Variants in CTSO observed in about 807,000 individuals in gnomAD.
CTSO encodes cathepsin O.
CTSO carries 40 observed loss-of-function variants against 42.4 expected under a neutral mutation model. That is an observed-to-expected ratio of 0.94 (90% CI 0.73 to 1.23). The LOEUF is 1.23. CTSO is among the 50% of genes most tolerant of loss of function. The probability of loss-of-function intolerance (pLI) is 0.00; values close to 1 mark genes in which losing one functional copy is unlikely to be tolerated. For missense variants in CTSO, 441 were observed against 396.0 expected, an observed-to-expected ratio of 1.11 and a Z score of -0.96; for synonymous variants, 156 against 146.2, an observed-to-expected ratio of 1.07 and a Z score of -0.48.
At chr4:155,942,879 A>T (rs909812624) in intron 2 of CTSO, among the ~76,000 whole-genome samples, 1 of 152,166 alleles carries the variant, frequency 6.6e-6, no homozygotes, top group Admixed American at 6.5e-5. Flanking sequence ...GAAGAGAAAA[A>T]GCACTAGAAA....
intron 4 of CTSO, among the ~76,000 whole-genome samples, chr4:155,939,065 G>A (rs114736748): frequency 0.016 from 2,454 of 152,018 alleles, 34 homozygotes; most frequent in South Asian, 0.048. Flanking sequence ...TCATCTTTCC[G>A]GGATATTATG....
intron 3 of CTSO, 111 bp downstream of exon 3, chr4:155,942,205 GA>G: frequency 1.2e-6 from 1 of 845,274 alleles, no homozygotes; most frequent in Non-Finnish European, 1.7e-6. Flanking sequence ...GGATGACTGA[GA>G]TGTGATTTTC....
At chr4:155,936,834 T>C (rs1249186464) in intron 5 of CTSO, among the ~76,000 whole-genome samples, 1 of 152,198 alleles carries the variant, frequency 6.6e-6, no homozygotes, top group Non-Finnish European at 1.5e-5. Context: ...TTTTCTCTAA[T>C]CTGAAGTTTT....
chr4:155,928,343 A>C lies in CTSO; in HGVS notation c.924T>G (p.Asn308Lys). The C allele has an allele frequency of 6.2e-7, 1 of 1,610,672 alleles. No homozygotes were observed. The highest frequency in any genetic ancestry group is 8.5e-7 in the Non-Finnish European group (1 of 1,177,760). ...DGYAHVKMGS[N>K]VCGIADSVSS... ...CACAAACTCATGACTTACCACAAACATTACTTCCCATTTTGACATGGGCAT... is the reference window on the plus strand; with the variant it reads ...CACAAACTCATGACTTACCACAAACCTTACTTCCCATTTTGACATGGGCAT... Residue 308 changes from asparagine (N) to lysine (K), a missense_variant, in exon 7 of 8, where the codon AAT (asparagine) becomes AAG (lysine). Asn to Lys is a moderately conservative substitution (Grantham distance 94). Transcript: ENST00000433477.
intron 3 of CTSO, among the ~76,000 whole-genome samples, chr4:155,941,708 T>C (rs759747851): frequency 6.6e-6 from 1 of 152,166 alleles, no homozygotes; most frequent in South Asian, 2.1e-4. Context: ...CAATTCTGCA[T>C]AGGTGGTGAT....
chr4:155,940,245 TGAAA>T (rs913119386), intron 3 of CTSO, among the ~76,000 whole-genome samples: 9 of 150,472 alleles, frequency 6.0e-5, no homozygotes, highest in African/African-American at 2.3e-4. Context: ...GAACTAGTCC[TGAAA>T]GAAAGAGAGG....
intron 1 of CTSO, among the ~76,000 whole-genome samples, chr4:155,952,988 T>A (rs763481082): frequency 1.1e-4 from 16 of 151,972 alleles, no homozygotes; most frequent in Non-Finnish European, 2.2e-4. Flanking sequence ...TTCAGGAAAA[T>A]CATTATTTGT....
intron 1 of CTSO, among the ~76,000 whole-genome samples, chr4:155,949,518 T>C (rs910925313): frequency 6.6e-6 from 1 of 152,216 alleles, no homozygotes; most frequent in East Asian, 1.9e-4. Flanking sequence ...CTAAGGTACT[T>C]TGGAAGCTCA....
Position 155,924,633 on chromosome 4 carries a change from A to G in CTSO, c.*1403T>C, listed in dbSNP as rs1339730638. ...GAGAAGAAATATGTACATACATAGTATCAGAAATAATTTTCTTGTATTGAT... is the reference window on the plus strand; with the variant it reads ...GAGAAGAAATATGTACATACATAGTGTCAGAAATAATTTTCTTGTATTGAT... On this transcript the variant is annotated 3_prime_UTR_variant, in exon 8 of 8. Coordinates refer to ENST00000433477, the MANE Select transcript of CTSO (RefSeq NM_001334.3). 6.6e-6 allele frequency: 1 copy of G among 152,032 alleles called. No homozygotes were observed. Among genetic ancestry groups the G allele is most frequent in the East Asian group, 1.9e-4 (1 of 5,198 alleles). 9.4% of individuals were successfully genotyped at this position (152,032 alleles called of 1,614,324 possible).
At chr4:155,947,794 G>A (rs1743575163) in intron 1 of CTSO, among the ~76,000 whole-genome samples, 2 of 152,156 alleles carry the variant, frequency 1.3e-5, no homozygotes, top group South Asian at 4.1e-4. Flanking sequence ...TAAAGGATCA[G>A]TGGGCACATG....
intron 1 of CTSO, among the ~76,000 whole-genome samples, chr4:155,944,947 T>G (rs1184388065): frequency 3.3e-5 from 4 of 122,810 alleles, no homozygotes; most frequent in Admixed American, 1.0e-4. Context: ...ATTGCTCCTG[T>G]GATTGATTAA....
chr4:155,929,574 T>A lies in CTSO; in HGVS notation c.806A>T (p.His269Leu), dbSNP rs750811108. The A allele has an allele frequency of 6.2e-7, 1 of 1,613,794 alleles. No homozygotes were observed. Among genetic ancestry groups the A allele is most frequent in the Admixed American group, 1.7e-5 (1 of 59,984 alleles). The stretch of plus-strand genomic sequence containing the variant: ...ATCAAACCCAGTTATGAGAACTGCA[T>A]GATTTGCTTCTCCACTAGAGCAGTG... ...QHHCSSGEAN[H>L]AVLITGFDKT... Residue 269 changes from histidine (H) to leucine (L), a missense_variant, in exon 6 of 8, where the codon CAT becomes CTT. By Grantham distance (99) the His-to-Leu change is moderately conservative (BLOSUM62 -3). Transcript: ENST00000433477.
intron 1 of CTSO, among the ~76,000 whole-genome samples, chr4:155,945,205 C>T (rs1039770011): frequency 6.6e-5 from 10 of 151,626 alleles, no homozygotes; most frequent in African/African-American, 2.2e-4. Flanking sequence ...TGCAGTGAGC[C>T]GAGATCACAG....
At chr4:155,926,531 T>C (rs1261217848) in intron 7 of CTSO, among the ~76,000 whole-genome samples, 2 of 152,220 alleles carry the variant, frequency 1.3e-5, no homozygotes, top group East Asian at 1.9e-4. Context: ...TGCAACATCA[T>C]GGCAAAAGCA....
At chr4:155,943,384 A>T in intron 1 of CTSO, 120 bp from the exon 2 acceptor site, 1 of 564,472 alleles carries the variant, frequency 1.8e-6, no homozygotes. Flanking sequence ...CCTTCAGACT[A>T]CAATGTAAAG....
chr4:155,937,016 C>T (rs1743342606), intron 5 of CTSO, among the ~76,000 whole-genome samples: 1 of 151,858 alleles, frequency 6.6e-6, no homozygotes. Flanking sequence ...AATATAACAC[C>T]TAAATTTGAT....
At chr4:155,946,319 T>C (rs1743546172) in intron 1 of CTSO, among the ~76,000 whole-genome samples, 1 of 152,208 alleles carries the variant, frequency 6.6e-6, no homozygotes, top group Non-Finnish European at 1.5e-5. Context: ...ATCCAAAGTT[T>C]AGGTGTTCCG....
chr4:155,950,829 A>G (rs1248380883), intron 1 of CTSO, among the ~76,000 whole-genome samples: 1 of 134,690 alleles, frequency 7.4e-6, no homozygotes, highest in Non-Finnish European at 1.6e-5. Flanking sequence ...TCATTCTGAA[A>G]TCATCCGCAT....
intron 3 of CTSO, 101 bp from the exon 4 acceptor site, chr4:155,939,639 T>A: frequency 3.7e-6 from 4 of 1,082,310 alleles, no homozygotes; most frequent in Non-Finnish European, 5.2e-6. Flanking sequence ...GGCTTCCAGA[T>A]TCTGGAAACC....
Sources: allele counts gnomAD v4.1 joint callset (sites outside exome capture counted in the v4.1 genomes callset), GRCh38; gene constraint gnomAD v4.1.1; transcripts MANE v1.5; gene names NCBI Gene and HGNC (gene_info 2026-07-23, HGNC 2026-07-21).